Variants in CHCHD6 observed in about 807,000 individuals in gnomAD.
CHCHD6 encodes coiled-coil-helix-coiled-coil-helix domain containing 6, also known as MICOS complex subunit MIC25.
Under a neutral mutation model 32.3 loss-of-function variants are expected in CHCHD6, and 28 were observed. The ratio of observed to expected loss-of-function variants is 0.87; its 90% CI spans 0.64 to 1.19. The LOEUF (loss-of-function observed/expected upper bound fraction) is 1.19, where lower values mean the gene tolerates loss of function less well. CHCHD6 is among the 50% of genes most tolerant of loss of function. CHCHD6 has a pLI of 0.00. For synonymous variants in CHCHD6, 122 were observed against 117.5 expected, an observed-to-expected ratio of 1.04 and a Z score of -0.25; for missense variants, 333 against 307.0, an observed-to-expected ratio of 1.08 and a Z score of -0.63.
rs544574551 is a variant in CHCHD6 at position 126,721,574 on chromosome 3, C to T, written c.88-5504C>T. On this transcript the variant is annotated intron_variant, in intron 1 of 7. Coordinates refer to ENST00000290913, the MANE Select transcript of CHCHD6 (RefSeq NM_032343.3). ...GTGTTCTCTCCCTTTTTATTTGTAACAGCTTTATTGAGATGTGATTCACAT... is the reference window on the plus strand; with the variant it reads ...GTGTTCTCTCCCTTTTTATTTGTAATAGCTTTATTGAGATGTGATTCACAT... Among the ~76,000 whole-genome samples, 6 of 152,306 alleles carry T rather than the reference C, an allele frequency of 3.9e-5. 1 individual carries two copies. In the South Asian group the frequency reaches 8.3e-4, roughly 21 times the overall value.
chr3:126,715,620 GC>G (rs1934971694), intron 1 of CHCHD6, among the ~76,000 whole-genome samples: 1 of 152,150 alleles, frequency 6.6e-6, no homozygotes, highest in African/African-American at 2.4e-5. Context: ...GAACAGAGCT[GC>G]ATGGATGGAC....
intron 5 of CHCHD6, among the ~76,000 whole-genome samples, chr3:126,886,030 A>G (rs945049879): frequency 1.3e-5 from 2 of 152,204 alleles, no homozygotes; most frequent in African/African-American, 4.8e-5. Flanking sequence ...AAGAAGGCCA[A>G]GGTCTCCCGT....
At chr3:126,874,898 C>T (rs548313633) in intron 5 of CHCHD6, among the ~76,000 whole-genome samples, 1 of 152,302 alleles carries the variant, frequency 6.6e-6, no homozygotes, top group South Asian at 2.1e-4. Context: ...CCCCTGGCCC[C>T]ACCTCACATG....
chr3:126,810,674 A>C (rs1939617743), intron 4 of CHCHD6, among the ~76,000 whole-genome samples: 1 of 152,230 alleles, frequency 6.6e-6, no homozygotes, highest in Admixed American at 6.5e-5. Flanking sequence ...CAATAATAGA[A>C]GATGTTAACA....
At chr3:126,873,989 C>T (rs1006412650) in intron 5 of CHCHD6, among the ~76,000 whole-genome samples, 12 of 152,180 alleles carry the variant, frequency 7.9e-5, no homozygotes, top group Admixed American at 4.6e-4. Context: ...TTTGAAAGGG[C>T]GGGAAGATTT....
At chr3:126,816,793 A>G (rs1939928138) in intron 4 of CHCHD6, among the ~76,000 whole-genome samples, 1 of 152,034 alleles carries the variant, frequency 6.6e-6, no homozygotes, top group African/African-American at 2.4e-5. Flanking sequence ...TACATGTGCC[A>G]TGTTGGTGTG....
At chr3:126,890,566 T>G (rs1236078113) in intron 5 of CHCHD6, among the ~76,000 whole-genome samples, 3 of 152,202 alleles carry the variant, frequency 2.0e-5, no homozygotes, top group Admixed American at 2.0e-4. Flanking sequence ...GACTGGGCTC[T>G]GTGTCATATA....
intron 3 of CHCHD6, among the ~76,000 whole-genome samples, chr3:126,732,078 C>CAAA (rs57722271): frequency 7.5e-4 from 57 of 75,838 alleles, no homozygotes; most frequent in African/African-American, 1.2e-3. Flanking sequence ...GACCCAAAAC[C>CAAA]AAAAAAAAAA....
At chr3:126,933,095 C>T (rs2078430101) in intron 6 of CHCHD6, among the ~76,000 whole-genome samples, 1 of 152,160 alleles carries the variant, frequency 6.6e-6, no homozygotes, top group Admixed American at 6.5e-5. Flanking sequence ...TCACCTCACA[C>T]TGTGAGCCTC....
intron 5 of CHCHD6, among the ~76,000 whole-genome samples, chr3:126,864,957 C>CTCCTCCACCATCATCTCCTCA (rs1942211276): frequency 6.6e-6 from 1 of 151,110 alleles, no homozygotes; most frequent in African/African-American, 2.4e-5. Context: ...TCATCTCCTC[C>CTCCTCCACCATCATCTCCTCA]TCCATCACCA....
At chr3:126,771,614 A>G (rs1937544200) in intron 4 of CHCHD6, among the ~76,000 whole-genome samples, 1 of 152,086 alleles carries the variant, frequency 6.6e-6, no homozygotes, top group Non-Finnish European at 1.5e-5. Flanking sequence ...GATATTTCGT[A>G]TGGTTTTTAA....
chr3:126,755,838 A>ATGTGTGTG lies in CHCHD6; in HGVS notation c.411+22640_411+22647dup, dbSNP rs58430251. ...TGTGTGTGTGTACATCTGTGTGTGCATGTGTGTGTGTGTGTGTGTGTGTGT... is the reference window on the plus strand; with the variant it reads ...TGTGTGTGTGTACATCTGTGTGTGCATGTGTGTGTGTGTGTGTGTGTGTGTGTGTGTGT... On this transcript the variant is annotated intron_variant, in intron 4 of 7. Coordinates refer to ENST00000290913, the MANE Select transcript of CHCHD6 (RefSeq NM_032343.3). Among the ~76,000 whole-genome samples, 1,238 of 145,952 alleles carry ATGTGTGTG rather than the reference A, an allele frequency of 8.5e-3. 13 individuals carry two copies. Among genetic ancestry groups the ATGTGTGTG allele is most frequent in the African/African-American group, 0.029 (1,150 of 40,018 alleles).
intron 4 of CHCHD6, among the ~76,000 whole-genome samples, chr3:126,803,453 C>A (rs1429129687): frequency 1.3e-5 from 2 of 152,044 alleles, no homozygotes; most frequent in Non-Finnish European, 2.9e-5. Flanking sequence ...CAACAAAGAT[C>A]AAAAGAGACA....
chr3:126,807,057 G>A (rs1939423581), intron 4 of CHCHD6, among the ~76,000 whole-genome samples: 1 of 115,610 alleles, frequency 8.6e-6, no homozygotes, highest in Non-Finnish European at 1.7e-5. Flanking sequence ...GTGGGGTGGG[G>A]GGAGGGGGGA....
chr3:126,737,390 G>GTGTGTATATATA (rs755051777), intron 4 of CHCHD6, among the ~76,000 whole-genome samples: 1 of 132,618 alleles, frequency 7.5e-6, no homozygotes, highest in African/African-American at 2.7e-5. Context: ...TGATGTGTGA[G>GTGTGTATATATA]TATATATATA....
At chr3:126,935,774 GC>G (rs1319480953) in intron 6 of CHCHD6, among the ~76,000 whole-genome samples, 1 of 152,216 alleles carries the variant, frequency 6.6e-6, no homozygotes, top group African/African-American at 2.4e-5. Context: ...TAGCAGAAAT[GC>G]ATCTTTAAGA....
At chr3:126,933,940 C>T (rs867109042) in intron 6 of CHCHD6, among the ~76,000 whole-genome samples, 2 of 152,304 alleles carry the variant, frequency 1.3e-5, no homozygotes, top group Middle Eastern at 3.4e-3. Flanking sequence ...CACATGCATG[C>T]ATTCATGCAC....
Position 126,957,421 on chromosome 3 carries a change from G to A in CHCHD6, c.572G>A (p.Arg191His), listed in dbSNP as rs115994545. The stretch of plus-strand genomic sequence containing the variant: ...CCTGCTCTTGTCTTCTGCAGGCCCC[G>A]CAGGGTGGAGCCCGTCTGCTCAGGG... ...ASKMESTIKP[R>H]RVEPVCSGLQ... Residue 191 changes from arginine to histidine, a missense_variant, in exon 7 of 8, where the codon CGC (arginine) becomes CAC (histidine). Physicochemically the swap from Arg to His is conservative, Grantham distance 29 (BLOSUM62 0). Coordinates refer to ENST00000290913, the MANE Select transcript of CHCHD6 (RefSeq NM_032343.3). 875 of 1,610,568 alleles carry A rather than the reference G, an allele frequency of 5.4e-4. 2 individuals carry two copies. Among genetic ancestry groups the A allele is most frequent in the African/African-American group, 5.4e-3 (403 of 74,904 alleles).
intron 4 of CHCHD6, among the ~76,000 whole-genome samples, chr3:126,813,034 A>G (rs1254935546): frequency 6.6e-6 from 1 of 152,334 alleles, no homozygotes; most frequent in Middle Eastern, 3.4e-3. Context: ...TAGGGAGTCA[A>G]CATAGTGCTG....
Sources: gnomAD v4.1 joint callset for allele counts (sites outside exome capture counted in the v4.1 genomes callset) on GRCh38, gnomAD v4.1.1 for gene constraint, MANE v1.5 for transcripts, NCBI Gene and HGNC (gene_info 2026-07-23, HGNC 2026-07-21) for gene names.